The following SSBP2 variants were observed in gnomAD, a reference collection of about 807,000 sequenced individuals.
The protein encoded by SSBP2 is single stranded DNA binding protein 2.
SSBP2 carries 17 observed loss-of-function variants against 61.8 expected under a neutral mutation model. That is an observed-to-expected ratio of 0.28 (90% CI 0.19 to 0.41). The LOEUF is 0.41. SSBP2 is among the 10% of genes least tolerant of loss of function. SSBP2 has a pLI of 1.00. For synonymous variants in SSBP2, 139 were observed against 141.3 expected (o/e 0.98, Z 0.12); for missense variants, 310 against 458.7 (o/e 0.68, Z 2.96).
intron 1 of SSBP2, among the ~76,000 whole-genome samples, chr5:81,750,539 C>T (rs1355161153): frequency 6.8e-6 from 1 of 148,120 alleles, no homozygotes. Flanking sequence ...CCGGCCCCGA[C>T]CCCGGCCGGC....
intron 1 of SSBP2, among the ~76,000 whole-genome samples, chr5:81,697,350 G>A (rs960001901): frequency 6.6e-6 from 1 of 152,202 alleles, no homozygotes; most frequent in African/African-American, 2.4e-5. Flanking sequence ...CTTTCAGACT[G>A]AATTGTCTAG....
chr5:81,545,728 A>C lies in SSBP2; in HGVS notation c.283-32011T>G, dbSNP rs562482845. ...ACAAGTACTAACCCTTGTATAATACAAAAAACAATATATGGCAAATTAAAA... is the reference window on the plus strand; with the variant it reads ...ACAAGTACTAACCCTTGTATAATACCAAAAACAATATATGGCAAATTAAAA... On this transcript the variant is annotated intron_variant, in intron 4 of 16. Transcript: ENST00000320672. Among the ~76,000 whole-genome samples the C allele has an allele frequency of 8.7e-4, 132 of 152,332 alleles. 1 individual carries two copies. The highest frequency in any genetic ancestry group is 6.8e-3 in the Middle Eastern group (2 of 294).
chr5:81,615,656 T>C (rs1478520434), intron 3 of SSBP2, 99 bp from the exon 4 acceptor site: 2 of 804,090 alleles, frequency 2.5e-6, no homozygotes, highest in Non-Finnish European at 4.0e-6. Context: ...TTATACAAAA[T>C]GTTTTGTCTT....
chr5:81,610,625 G>A (rs777047098), intron 4 of SSBP2, among the ~76,000 whole-genome samples: 11 of 152,118 alleles, frequency 7.2e-5, no homozygotes, highest in Admixed American at 1.3e-4. Context: ...AGCATATGAC[G>A]TATATGTAGA....
chr5:81,499,899 T>C (rs79057770), intron 5 of SSBP2, among the ~76,000 whole-genome samples: 3,335 of 152,308 alleles, frequency 0.022, 76 homozygotes, highest in South Asian at 0.096. Flanking sequence ...TATTTAAATG[T>C]AACACTGCAA....
intron 10 of SSBP2, among the ~76,000 whole-genome samples, chr5:81,455,624 T>TAAAAA (rs1764087931): frequency 1.8e-5 from 1 of 56,928 alleles, no homozygotes; most frequent in Non-Finnish European, 5.2e-5. Flanking sequence ...AGACTCCGTC[T>TAAAAA]CAAAAAAAAA....
chr5:81,440,550 A>T lies in SSBP2; in HGVS notation c.928+8T>A, dbSNP rs913166401. On this transcript the variant is annotated splice_region_variant and intron_variant, in intron 14 of 16. Transcript: ENST00000320672. ...ATTTATTCTAAACATCAAATTGAAA[A>T]GCCTTACCTAAAGAGCCATTCATGT... 1 of 1,609,810 alleles carries T rather than the reference A, an allele frequency of 6.2e-7. No homozygotes were observed. Among genetic ancestry groups the T allele is most frequent in the African/African-American group, 1.3e-5 (1 of 74,768 alleles).
At chr5:81,693,599 A>G (rs1250123977) in intron 1 of SSBP2, among the ~76,000 whole-genome samples, 1 of 152,240 alleles carries the variant, frequency 6.6e-6, no homozygotes, top group Non-Finnish European at 1.5e-5. Context: ...ATTGATCATC[A>G]GAGAAAAACC....
intron 1 of SSBP2, among the ~76,000 whole-genome samples, chr5:81,688,920 A>C (rs1164219579): frequency 6.6e-6 from 1 of 152,186 alleles, no homozygotes; most frequent in African/African-American, 2.4e-5. Context: ...AGATATGTGC[A>C]CTTCCAGACA....
At chr5:81,537,484 G>C (rs1770899330) in intron 4 of SSBP2, among the ~76,000 whole-genome samples, 1 of 152,080 alleles carries the variant, frequency 6.6e-6, no homozygotes, top group Non-Finnish European at 1.5e-5. Context: ...ACTGAATAGA[G>C]ACATACCTCA....
intron 4 of SSBP2, among the ~76,000 whole-genome samples, chr5:81,581,837 G>A (rs1233340346): frequency 6.6e-6 from 1 of 152,046 alleles, no homozygotes; most frequent in East Asian, 1.9e-4. Context: ...GCTTCAAAAA[G>A]AAATGTCTTG....
intron 7 of SSBP2, 79 bp from the exon 8 acceptor site, chr5:81,473,849 G>C: frequency 7.7e-7 from 1 of 1,299,294 alleles, no homozygotes; most frequent in South Asian, 1.2e-5. Flanking sequence ...TCCCTCCTGG[G>C]TGTTACTGTC....
At chr5:81,553,555 T>G (rs1772369198) in intron 4 of SSBP2, among the ~76,000 whole-genome samples, 1 of 152,140 alleles carries the variant, frequency 6.6e-6, no homozygotes. Context: ...ATATAAAAAC[T>G]CAGAAAAATT....
intron 5 of SSBP2, among the ~76,000 whole-genome samples, chr5:81,508,193 A>T (rs1451687043): frequency 6.6e-6 from 1 of 152,152 alleles, no homozygotes; most frequent in Non-Finnish European, 1.5e-5. Context: ...ACTGTACTTT[A>T]TTCTACAAAA....
At chr5:81,534,175 C>T (rs1037584465) in intron 4 of SSBP2, among the ~76,000 whole-genome samples, 1 of 152,084 alleles carries the variant, frequency 6.6e-6, no homozygotes, top group Non-Finnish European at 1.5e-5. Flanking sequence ...TCCACAGGCA[C>T]AGGCTCACTA....
At chr5:81,505,220 C>CT (rs143936107) in intron 5 of SSBP2, among the ~76,000 whole-genome samples, 12,293 of 152,180 alleles carry the variant, frequency 0.081, 509 homozygotes, top group Admixed American at 0.097. Flanking sequence ...TCTATGGTTG[C>CT]TTTTATGCTA....
chr5:81,665,758 G>A (rs1751067814), intron 1 of SSBP2, among the ~76,000 whole-genome samples: 1 of 152,158 alleles, frequency 6.6e-6, no homozygotes. Flanking sequence ...ACCCGCCTTG[G>A]CCTCCCAAAG....
intron 5 of SSBP2, among the ~76,000 whole-genome samples, chr5:81,490,489 A>T (rs911630250): frequency 6.6e-6 from 1 of 152,242 alleles, no homozygotes; most frequent in African/African-American, 2.4e-5. Context: ...TGTTATTAAG[A>T]TATTAAGAAT....
intron 15 of SSBP2, among the ~76,000 whole-genome samples, chr5:81,435,923 C>G (rs903261669): frequency 1.3e-5 from 2 of 152,098 alleles, no homozygotes; most frequent in Non-Finnish European, 2.9e-5. Flanking sequence ...TGCAGTGGGT[C>G]ACGCCTGTAA....
Sources: gnomAD v4.1 joint callset for allele counts (sites outside exome capture counted in the v4.1 genomes callset) on GRCh38, gnomAD v4.1.1 for gene constraint, MANE v1.5 for transcripts, NCBI Gene and HGNC (gene_info 2026-07-23, HGNC 2026-07-21) for gene names.